Variants in CEP131 observed in about 807,000 individuals in gnomAD.
CEP131 encodes the protein centrosomal protein of 131 kDa.
Under a neutral mutation model 136.8 loss-of-function variants are expected in CEP131, and 99 were observed. The observed-to-expected ratio is 0.72, with a 90% CI of 0.62 to 0.86. The LOEUF (loss-of-function observed/expected upper bound fraction) is 0.86, where lower values mean the gene tolerates loss of function less well. Among genes scored for constraint, CEP131 ranks in the 40% least tolerant of loss-of-function variants. The pLI is 0.00. For synonymous variants in CEP131, 646 were observed against 612.7 expected (o/e 1.05, Z -0.80); for missense variants, 1,459 against 1,463.0 (o/e 1.00, Z 0.04).
chr17:81,189,703 TCTGGGCCCACGTCCA>T lies in CEP131; in HGVS notation c.*51_*65del. The T allele has an allele frequency of 6.7e-7, 1 of 1,487,038 alleles. No individual in the cohort carries two copies. The allele number at this position is 1,487,038 out of a possible 1,614,324, so 92.1% of individuals were successfully genotyped here. On this transcript the variant is annotated 3_prime_UTR_variant, in exon 26 of 26. Transcript: ENST00000450824. ...GGGCAGGTGGGCGTCCCTGTGGGCC[TCTGGGCCCACGTCCA>T]GCCTCTGTCCTCTGCCTTCCGTTCT...
chr17:81,209,562 C>CG (rs2062088698), intron 2 of CEP131, among the ~76,000 whole-genome samples: 1 of 104,062 alleles, frequency 9.6e-6, no homozygotes, highest in Non-Finnish European at 2.1e-5. Flanking sequence ...AGACACTAAG[C>CG]AAGGATCAGA....
chr17:81,208,861 C>T lies in CEP131; in HGVS notation c.272+67G>A. 1 of 1,246,822 alleles carries T rather than the reference C, an allele frequency of 8.0e-7. No homozygotes were observed. Among genetic ancestry groups the T allele is most frequent in the Non-Finnish European group, 1.2e-6 (1 of 862,546 alleles). The allele number at this position is 1,246,822 out of a possible 1,614,324, so 77.2% of individuals were successfully genotyped here. On this transcript the variant is annotated intron_variant, in intron 3 of 25. Coordinates refer to ENST00000450824, the MANE Select transcript of CEP131 (RefSeq NM_014984.4). This position sits in a 1 kb window ranked among gnomAD's most constrained non-coding sequence, Gnocchi z 5.6. ...AGGGCAGAGCAGAGGCAGGGAGGAG[C>T]AGGCCAGGGTGGGGCACCTGAGGTC...
chr17:81,194,750 C>T, intron 17 of CEP131, 120 bp downstream of exon 17: 1 of 876,672 alleles, frequency 1.1e-6, no homozygotes, highest in South Asian at 1.3e-5. Context: ...CATGAGTGTT[C>T]ACCTCTGCCC....
rs573986931 is a variant in CEP131, at chr17:81,199,428, G to A, written c.1145C>T (p.Pro382Leu). 2 of 1,607,462 alleles carry A rather than the reference G, an allele frequency of 1.2e-6. No homozygotes were observed. The highest frequency in any genetic ancestry group is 2.2e-5 in the East Asian group (1 of 44,688). ...GMRQPAQELS[P>L]TPGGTAHQAL... ...CTGGTGGGCAGTGCCGCCTGGTGTG[G>A]GGGACAGCTCCTGAGCAGGCTGCCG... Residue 382 changes from proline to leucine, a missense_variant, in exon 10 of 26, where the codon CCC becomes CTC. This residue lies in a region of CEP131 where 1,026 missense variants were observed against 964.2 expected (regional missense o/e 1.06). Coordinates refer to ENST00000450824, the MANE Select transcript of CEP131 (RefSeq NM_014984.4).
At chr17:81,192,003 C>T (rs1258093603) in intron 21 of CEP131, among the ~76,000 whole-genome samples, 1 of 152,140 alleles carries the variant, frequency 6.6e-6, no homozygotes, top group Non-Finnish European at 1.5e-5. Context: ...CCTCTCGGTA[C>T]ATCTGAGTGT....
chr17:81,220,294 C>G (rs986951126), intron 1 of CEP131, among the ~76,000 whole-genome samples: 3 of 152,068 alleles, frequency 2.0e-5, no homozygotes, highest in Admixed American at 6.5e-5. Context: ...GGCAGGAGGG[C>G]CCTGGATGAT....
At chr17:81,198,325 G>A (rs764917845) in intron 11 of CEP131, 28 bp from the exon 12 acceptor site, 10 of 1,559,074 alleles carry the variant, frequency 6.4e-6, no homozygotes, top group Non-Finnish European at 7.8e-6. Context: ...GACAGATGCA[G>A]CAAGGCTGCT....
rs374146227 is a variant in CEP131, at chr17:81,192,869, C to A, written c.2322-26G>T. 3.1e-6 allele frequency: 5 copies of A among 1,588,614 alleles called. No individual in the cohort carries two copies. In the East Asian group the frequency reaches 9.1e-5, roughly 29 times the overall value. On this transcript the variant is annotated intron_variant, in intron 18 of 25. Transcript: ENST00000450824. ...CTGCGGGACGGTCAGGACTGGCTCT[C>A]GGGGGCCGGGACGGGCGGTCCCAGG...
intron 1 of CEP131, among the ~76,000 whole-genome samples, chr17:81,220,855 G>A (rs772065899): frequency 2.0e-5 from 3 of 151,752 alleles, no homozygotes; most frequent in Non-Finnish European, 4.4e-5. Flanking sequence ...GGGCACAGTG[G>A]CTCACTCCTG....
At chr17:81,199,603 C>T in intron 9 of CEP131, 54 bp from the exon 10 acceptor site, 3 of 1,589,338 alleles carry the variant, frequency 1.9e-6, no homozygotes, top group South Asian at 2.2e-5. Flanking sequence ...ACCCCAGGCT[C>T]CACAGCCAAG....
chr17:81,195,108 G>A (rs897492051), intron 16 of CEP131, 136 bp from the exon 17 acceptor site: 15 of 641,318 alleles, frequency 2.3e-5, no homozygotes, highest in Non-Finnish European at 3.4e-5. Context: ...GTGCTGCCCC[G>A]AGACAGAGCC....
chr17:81,197,696 G>A lies in CEP131; in HGVS notation c.1647+16C>T. 1 of 1,601,250 alleles carries A rather than the reference G, an allele frequency of 6.2e-7. No individual in the cohort carries two copies. The highest frequency in any genetic ancestry group is 1.1e-5 in the South Asian group (1 of 90,542). On this transcript the variant is annotated intron_variant, in intron 13 of 25. Transcript: ENST00000450824. Reference sequence around the variant, plus strand: ...TCCTCCCACTGGGGGCCGGGTGCGGGCTGGTGAGGGGCCACCTCCTGCTGG... The same window carrying A: ...TCCTCCCACTGGGGGCCGGGTGCGGACTGGTGAGGGGCCACCTCCTGCTGG...
chr17:81,192,107 C>A (rs1237104661), intron 21 of CEP131, among the ~76,000 whole-genome samples: 1 of 152,106 alleles, frequency 6.6e-6, no homozygotes, highest in Non-Finnish European at 1.5e-5. Flanking sequence ...TCCAGGCACC[C>A]TTGATCCTTC....
intron 5 of CEP131, among the ~76,000 whole-genome samples, chr17:81,205,422 GGCAGC>G: frequency 1.2e-5 from 1 of 82,912 alleles, no homozygotes; most frequent in South Asian, 5.5e-4. Flanking sequence ...GGGTAGGAGG[GGCAGC>G]GGGATGGGGG....
intron 13 of CEP131, 75 bp from the exon 14 acceptor site, chr17:81,197,130 G>T (rs1346467883): frequency 9.3e-6 from 14 of 1,509,402 alleles, no homozygotes; most frequent in Admixed American, 4.2e-5. Context: ...CGATGCCCCT[G>T]CGGCCCTGCC....
rs185137064 is a variant in CEP131, at chr17:81,196,468, G to A, written c.1899+233C>T. 2.5e-3 allele frequency among the ~76,000 whole-genome samples: 383 copies of A among 152,322 alleles called. 1 individual carries two copies. Among genetic ancestry groups the A allele is most frequent in the African/African-American group, 3.5e-3 (144 of 41,582 alleles). ...GGGGCTGCGACTGAGCTGAGGGGCC[G>A]GCAGGACACCCCACTACACTCACAC... On this transcript the variant is annotated intron_variant, in intron 15 of 25. Coordinates refer to ENST00000450824, the MANE Select transcript of CEP131 (RefSeq NM_014984.4).
intron 2 of CEP131, among the ~76,000 whole-genome samples, chr17:81,212,352 G>C (rs1012363839): frequency 3.3e-5 from 5 of 150,966 alleles, no homozygotes; most frequent in African/African-American, 1.2e-4. Context: ...GAAAAGAAAA[G>C]ATGTTCAGCC....
intron 17 of CEP131, 70 bp downstream of exon 17, chr17:81,194,798 GCT>G (rs780076090): frequency 1.6e-6 from 2 of 1,229,034 alleles, no homozygotes; most frequent in East Asian, 4.6e-5. Flanking sequence ...TGAAGTTATG[GCT>G]CTCTCAAAAG....
Position 81,197,739 on chromosome 17 carries a change from C to G in CEP131, c.1620G>C (p.Gly540=), listed in dbSNP as rs761913781. Residue 540 remains glycine (G), a synonymous_variant, in exon 13 of 26, where the codon GGG becomes GGC. Coordinates refer to ENST00000450824, the MANE Select transcript of CEP131 (RefSeq NM_014984.4). ...CCTGCTGGGAGTCCAGCTGGTCCTGCCCAGACTTCTCCATCTCGTCCAAGA... is the reference window on the plus strand; with the variant it reads ...CCTGCTGGGAGTCCAGCTGGTCCTGGCCAGACTTCTCCATCTCGTCCAAGA... The part of the protein sequence containing the change: ...MSFLDEMEKS[G]QDQLDSQQEG... 1 of 1,612,658 alleles carries G rather than the reference C, an allele frequency of 6.2e-7. No homozygotes were observed. Among genetic ancestry groups the G allele is most frequent in the East Asian group, 2.2e-5 (1 of 44,874 alleles).
Sources: allele counts gnomAD v4.1 joint callset (sites outside exome capture counted in the v4.1 genomes callset), GRCh38; gene constraint gnomAD v4.1.1; regional missense constraint gnomAD v4.1.1; non-coding constraint Gnocchi (gnomAD v3.1); transcripts MANE v1.5; gene names NCBI Gene and HGNC (gene_info 2026-07-23, HGNC 2026-07-21).